COLGALT2: variants seen among roughly 807,000 people sequenced by gnomAD.
COLGALT2 encodes procollagen galactosyltransferase 2.
COLGALT2 carries 49 observed loss-of-function variants against 73.4 expected under a neutral mutation model. The ratio of observed to expected loss-of-function variants is 0.67; its 90% CI spans 0.53 to 0.85. The LOEUF is 0.85. Among genes scored for constraint, COLGALT2 ranks in the 40% least tolerant of loss-of-function variants. COLGALT2 has a pLI of 0.00. For missense variants in COLGALT2, 722 were observed against 790.2 expected, an observed-to-expected ratio of 0.91 and a Z score of 1.03; for synonymous variants, 295 against 307.6, an observed-to-expected ratio of 0.96 and a Z score of 0.43.
intron 1 of COLGALT2, among the ~76,000 whole-genome samples, chr1:184,000,451 A>G (rs570827152): frequency 2.0e-5 from 3 of 152,082 alleles, no homozygotes; most frequent in East Asian, 1.9e-4. Flanking sequence ...ACCCTCTCCA[A>G]ATCAATACAA....
chr1:184,006,151 A>C (rs1426063938), intron 1 of COLGALT2, among the ~76,000 whole-genome samples: 1 of 152,200 alleles, frequency 6.6e-6, no homozygotes, highest in Non-Finnish European at 1.5e-5. Flanking sequence ...AAGCTTGAAA[A>C]CATTCTTTCA....
chr1:183,997,537 A>C (rs930230916), intron 1 of COLGALT2, among the ~76,000 whole-genome samples: 1 of 152,304 alleles, frequency 6.6e-6, no homozygotes, highest in South Asian at 2.1e-4. Flanking sequence ...GCTACACATA[A>C]AATACATTAA....
rs141541980 is a variant in COLGALT2, at chr1:183,961,797, C to T, written c.952+2104G>A. Among the ~76,000 whole-genome samples, 103 of 152,158 alleles carry T rather than the reference C, an allele frequency of 6.8e-4. 1 individual carries two copies. The highest frequency in any genetic ancestry group is 1.5e-3 in the African/African-American group (62 of 41,496). ...CGCACTGTGCTAGGTGCTTGGAATA[C>T]AAAGCAATAAGATGCCACCCATATC... On this transcript the variant is annotated intron_variant, in intron 6 of 11. Transcript: ENST00000361927.
chr1:183,975,171 G>T lies in COLGALT2; in HGVS notation c.418C>A (p.Arg140=), dbSNP rs1031468333. The T allele has an allele frequency of 1.2e-6, 2 of 1,613,992 alleles. No individual in the cohort carries two copies. The highest frequency in any genetic ancestry group is 1.7e-6 in the Non-Finnish European group (2 of 1,179,928). ...EIGPKHWPTS[R]FAHVMKLRQA... ...CGTAGTTTCATCACATGGGCAAACCGGGAGGTTGGCCAGTGCTTTGGTCCA... is the reference window on the plus strand; with the variant it reads ...CGTAGTTTCATCACATGGGCAAACCTGGAGGTTGGCCAGTGCTTTGGTCCA... The change falls in exon 3 of 12, where the codon CGG becomes AGG. Residue 140 remains arginine, a synonymous_variant. Transcript: ENST00000361927.
rs933237690 is a variant in COLGALT2, at chr1:183,936,916, T to A, written c.*1845A>T. 8.1e-7 allele frequency: 1 copy of A among 1,231,790 alleles called. No individual in the cohort carries two copies. Among genetic ancestry groups the A allele is most frequent in the African/African-American group, 1.5e-5 (1 of 64,540 alleles). 76.3% of individuals were successfully genotyped at this position (1,231,790 alleles called of 1,614,324 possible). A position where few individuals can be genotyped will look rare whatever the true frequency, so the allele number is the denominator to read the frequency against. On this transcript the variant is annotated 3_prime_UTR_variant, in exon 12 of 12. Transcript: ENST00000361927. ...GGCGTCTGGTGGAAGGCAAGCTGCC[T>A]CTTGTCCTAAAGTGGGGACCCGCCC...
chr1:183,936,253 G>A lies in COLGALT2; in HGVS notation c.*2508C>T, dbSNP rs1669950201. On this transcript the variant is annotated 3_prime_UTR_variant, in exon 12 of 12. Coordinates refer to ENST00000361927, the MANE Select transcript of COLGALT2 (RefSeq NM_015101.4). ...AAATGTCTTGGCTTAGGACTATAAG[G>A]GAGAGATAGGACAAATAATGAGGTC... 8 of 985,664 alleles carry A rather than the reference G, an allele frequency of 8.1e-6. No homozygotes were observed. The highest frequency in any genetic ancestry group is 8.4e-6 in the Non-Finnish European group (7 of 829,950). 61.1% of individuals were successfully genotyped at this position (985,664 alleles called of 1,614,324 possible). A position where few individuals can be genotyped will look rare whatever the true frequency, so the allele number is the denominator to read the frequency against.
chr1:183,972,703 T>C (rs1671075169), intron 4 of COLGALT2, among the ~76,000 whole-genome samples: 1 of 151,720 alleles, frequency 6.6e-6, no homozygotes, highest in African/African-American at 2.4e-5. Flanking sequence ...TACTTTTTTT[T>C]TTTTTTTCTT....
chr1:183,985,504 C>A (rs1311105259), intron 1 of COLGALT2, among the ~76,000 whole-genome samples: 4 of 152,108 alleles, frequency 2.6e-5, no homozygotes, highest in Non-Finnish European at 5.9e-5. Context: ...ACTCCTGATC[C>A]TCAGGTGATC....
At chr1:184,011,618 C>T (rs918111018) in intron 1 of COLGALT2, among the ~76,000 whole-genome samples, 4 of 152,188 alleles carry the variant, frequency 2.6e-5, no homozygotes, top group East Asian at 1.9e-4. Flanking sequence ...ACTATTTAAA[C>T]GTGTGGTCAG....
At chr1:183,971,810 C>T (rs1341349708) in intron 4 of COLGALT2, among the ~76,000 whole-genome samples, 2 of 152,100 alleles carry the variant, frequency 1.3e-5, no homozygotes, top group Non-Finnish European at 2.9e-5. Flanking sequence ...CACGTTAATC[C>T]CCACCACTCT....
intron 4 of COLGALT2, 26 bp from the exon 5 acceptor site, chr1:183,969,499 G>T (rs1053491447): frequency 6.4e-7 from 1 of 1,571,642 alleles, no homozygotes; most frequent in Non-Finnish European, 8.6e-7. Flanking sequence ...TAGGTGGGTT[G>T]TGTTTTCTGA....
At chr1:183,972,732 C>G (rs1202049536) in intron 4 of COLGALT2, among the ~76,000 whole-genome samples, 1 of 150,696 alleles carries the variant, frequency 6.6e-6, no homozygotes, top group Non-Finnish European at 1.5e-5. Flanking sequence ...GGGAGTCTCG[C>G]TCTGTCACCC....
intron 1 of COLGALT2, among the ~76,000 whole-genome samples, chr1:183,998,655 G>C (rs557513886): frequency 6.6e-6 from 1 of 152,062 alleles, no homozygotes; most frequent in South Asian, 2.1e-4. Flanking sequence ...TAAATTAATC[G>C]TCTGGAGAGA....
intron 4 of COLGALT2, among the ~76,000 whole-genome samples, chr1:183,972,623 G>A (rs1325249547): frequency 6.6e-6 from 1 of 151,170 alleles, no homozygotes; most frequent in Non-Finnish European, 1.5e-5. Context: ...ACCTACCATG[G>A]TAGTTTTCAT....
At chr1:183,947,538 A>G (rs977257424) in intron 8 of COLGALT2, among the ~76,000 whole-genome samples, 1 of 152,244 alleles carries the variant, frequency 6.6e-6, no homozygotes, top group Non-Finnish European at 1.5e-5. Flanking sequence ...AAGGGAAATT[A>G]GAAAATATTT....
chr1:183,980,537 C>T (rs1302670394), intron 1 of COLGALT2, among the ~76,000 whole-genome samples: 1 of 151,978 alleles, frequency 6.6e-6, no homozygotes, highest in Non-Finnish European at 1.5e-5. Context: ...TGATATAAAG[C>T]TTAAATGAAT....
intron 1 of COLGALT2, among the ~76,000 whole-genome samples, chr1:184,026,997 GCTT>G (rs1158662873): frequency 6.6e-6 from 1 of 152,124 alleles, no homozygotes; most frequent in Admixed American, 6.5e-5. Flanking sequence ...AGTGCAAGGA[GCTT>G]CATACAGTGG....
chr1:183,973,708 T>C lies in COLGALT2; in HGVS notation c.535A>G (p.Asn179Asp). Residue 179 changes from asparagine (N) to aspartate (D), a missense_variant, in exon 4 of 12, where the codon AAT becomes GAT. Asn to Asp is a conservative substitution (Grantham distance 23). Coordinates refer to ENST00000361927, the MANE Select transcript of COLGALT2 (RefSeq NM_015101.4). ...GTTTTGTTTTCTGCAATCAGTAGAT[T>C]GAGGGTCTGTGGATTAGTCAGGAAA... is the stretch of plus-strand genomic sequence containing the variant. Reference protein sequence around the residue: ...DNFLTNPQTLNLLIAENKTIV... With the variant: ...DNFLTNPQTLDLLIAENKTIV... 5 of 1,613,918 alleles carry C rather than the reference T, an allele frequency of 3.1e-6. No homozygotes were observed. Among genetic ancestry groups the C allele is most frequent in the Non-Finnish European group, 4.2e-6 (5 of 1,179,884 alleles).
In COLGALT2 at chr1:183,939,015, C is replaced by T. The variant is rs1670039113; in HGVS notation, c.1627G>A (p.Glu543Lys). Residue 543 changes from glutamate to lysine, a missense_variant, in exon 12 of 12, where the codon GAA becomes AAA. Glu to Lys is a moderately conservative substitution (Grantham distance 56, BLOSUM62 1). Coordinates refer to ENST00000361927, the MANE Select transcript of COLGALT2 (RefSeq NM_015101.4). ...GAGAAGGCTTTCAGGTCCCTGGATT[C>T]ATAATACTCCTTGTACTCGGCTCTG... The part of the protein sequence containing the change: ...HPVAEYKEYY[E>K]SRDLKAFSAE... The T allele has an allele frequency of 6.2e-7, 1 of 1,613,326 alleles. No homozygotes were observed. Among genetic ancestry groups the T allele is most frequent in the African/African-American group, 1.3e-5 (1 of 74,848 alleles).
Sources: gnomAD v4.1 joint callset for allele counts (sites outside exome capture counted in the v4.1 genomes callset) on GRCh38, gnomAD v4.1.1 for gene constraint, MANE v1.5 for transcripts, NCBI Gene and HGNC (gene_info 2026-07-23, HGNC 2026-07-21) for gene names.